PCDH7: variants seen among roughly 807,000 people sequenced by gnomAD.
PCDH7 encodes the protein protocadherin 7, also known as protocadherin-7.
PCDH7 carries 17 observed loss-of-function variants against 58.9 expected under a neutral mutation model. The observed-to-expected ratio is 0.29, with a 90% CI of 0.20 to 0.43. PCDH7 has a LOEUF of 0.43. Among genes scored for constraint, PCDH7 ranks in the 20% least tolerant of loss-of-function variants. PCDH7 has a pLI of 1.00. For missense variants in PCDH7, 1,274 were observed against 1,441.0 expected, an observed-to-expected ratio of 0.88 and a Z score of 1.88; for synonymous variants, 664 against 616.4, an observed-to-expected ratio of 1.08 and a Z score of -1.14.
chr4:31,035,659 G>T (rs1269423330), intron 3 of PCDH7, among the ~76,000 whole-genome samples: 2 of 152,182 alleles, frequency 1.3e-5, no homozygotes, highest in African/African-American at 2.4e-5. Flanking sequence ...AGGCGAGCAT[G>T]ACATTAGAAT....
chr4:31,139,668 C>G (rs1336225604), intron 3 of PCDH7, among the ~76,000 whole-genome samples: 22 of 152,300 alleles, frequency 1.4e-4, no homozygotes, highest in Non-Finnish European at 1.5e-5. Context: ...TCATGCCCTT[C>G]TTTAATAAGT....
At chr4:30,953,804 A>T (rs1377480781) in intron 3 of PCDH7, among the ~76,000 whole-genome samples, 1 of 152,152 alleles carries the variant, frequency 6.6e-6, no homozygotes, top group African/African-American at 2.4e-5. Context: ...TAAGAAGTCC[A>T]TTCATCATTC....
chr4:31,132,788 TAAAC>T (rs1303515451), intron 3 of PCDH7, among the ~76,000 whole-genome samples: 1 of 152,150 alleles, frequency 6.6e-6, no homozygotes, highest in Admixed American at 6.5e-5. Context: ...TTATGACAAA[TAAAC>T]AAAGATTCAG....
intron 2 of PCDH7, among the ~76,000 whole-genome samples, chr4:30,940,793 A>C (rs778393686): frequency 1.3e-5 from 2 of 152,066 alleles, no homozygotes; most frequent in Non-Finnish European, 2.9e-5. Flanking sequence ...GATTGAAATA[A>C]GAAGAAATCA....
intron 1 of PCDH7, among the ~76,000 whole-genome samples, chr4:30,899,119 T>C (rs1739854260): frequency 6.6e-6 from 1 of 152,098 alleles, no homozygotes; most frequent in Non-Finnish European, 1.5e-5. Context: ...GAATGCAAAA[T>C]TGATTTGTTA....
intron 1 of PCDH7, among the ~76,000 whole-genome samples, chr4:30,863,304 T>C (rs1388865221): frequency 6.6e-6 from 1 of 152,098 alleles, no homozygotes; most frequent in Non-Finnish European, 1.5e-5. Flanking sequence ...GGCTATAATA[T>C]AGTTGTTCTC....
chr4:31,062,415 T>C (rs1209422019), intron 3 of PCDH7, among the ~76,000 whole-genome samples: 2 of 151,778 alleles, frequency 1.3e-5, no homozygotes, highest in East Asian at 1.9e-4. Context: ...AATAATAGTT[T>C]TCTTGTTCAT....
intron 3 of PCDH7, among the ~76,000 whole-genome samples, chr4:31,124,275 A>G (rs543614400): frequency 3.3e-5 from 5 of 152,320 alleles, no homozygotes; most frequent in African/African-American, 1.2e-4. Context: ...CCATAATGCT[A>G]AGCACTCAAT....
intron 1 of PCDH7, chr4:30,868,946 A>C (rs539224326): frequency 6.6e-6 from 1 of 152,246 alleles, no homozygotes; most frequent in Non-Finnish European, 1.5e-5. Flanking sequence ...AGAATTAGTA[A>C]AATGAAAAGG....
chr4:30,769,551 A>G (rs1212858057), intron 1 of PCDH7, among the ~76,000 whole-genome samples: 1 of 152,154 alleles, frequency 6.6e-6, no homozygotes, highest in African/African-American at 2.4e-5. Context: ...TTAATACTTA[A>G]TTCTTAAATT....
intron 3 of PCDH7, among the ~76,000 whole-genome samples, chr4:30,965,303 G>A (rs1748904430): frequency 6.6e-6 from 1 of 152,126 alleles, no homozygotes. Context: ...AGCAAGGCAT[G>A]CAGATATATG....
intron 3 of PCDH7, among the ~76,000 whole-genome samples, chr4:31,065,798 A>G (rs985997969): frequency 6.6e-6 from 1 of 151,932 alleles, no homozygotes; most frequent in African/African-American, 2.4e-5. Context: ...CACTAGCTTC[A>G]TCATAATATT....
intron 2 of PCDH7, among the ~76,000 whole-genome samples, chr4:30,924,115 T>G (rs541827242): frequency 6.6e-6 from 1 of 152,304 alleles, no homozygotes; most frequent in South Asian, 2.1e-4. Context: ...TTTAGGTCTA[T>G]TGTATTTATC....
At chr4:30,758,419 C>G (rs1482425525) in intron 1 of PCDH7, among the ~76,000 whole-genome samples, 2 of 152,132 alleles carry the variant, frequency 1.3e-5, no homozygotes, top group Non-Finnish European at 2.9e-5. Flanking sequence ...GACTGGCAGA[C>G]AAATGGAATA....
At chr4:31,015,810 A>T (rs1753563034) in intron 3 of PCDH7, among the ~76,000 whole-genome samples, 2 of 152,196 alleles carry the variant, frequency 1.3e-5, no homozygotes, top group South Asian at 4.1e-4. Flanking sequence ...TATTCATAGG[A>T]GAATCTTTAG....
At chr4:31,030,457 G>C (rs1205970806) in intron 3 of PCDH7, among the ~76,000 whole-genome samples, 2 of 152,114 alleles carry the variant, frequency 1.3e-5, no homozygotes, top group South Asian at 4.1e-4. Flanking sequence ...GAAAGAAAAA[G>C]AAAAAGAAGT....
chr4:30,785,850 A>G (rs1243840785), intron 1 of PCDH7, among the ~76,000 whole-genome samples: 4 of 152,046 alleles, frequency 2.6e-5, no homozygotes, highest in African/African-American at 9.7e-5. Context: ...TGTTTACTCT[A>G]TGAAAGTGAT....
At chr4:31,032,830 A>G (rs1007420424) in intron 3 of PCDH7, among the ~76,000 whole-genome samples, 3 of 152,190 alleles carry the variant, frequency 2.0e-5, no homozygotes, top group African/African-American at 7.2e-5. Flanking sequence ...AAATTAGAAG[A>G]TAAGAATTTT....
chr4:30,918,349 A>C (rs1195203430), intron 1 of PCDH7, among the ~76,000 whole-genome samples: 1 of 152,066 alleles, frequency 6.6e-6, no homozygotes, highest in East Asian at 1.9e-4. Context: ...GGGGTGGGTG[A>C]GGGTTGGGAG....
Sources: allele counts gnomAD v4.1 joint callset (sites outside exome capture counted in the v4.1 genomes callset), GRCh38; gene constraint gnomAD v4.1.1; transcripts MANE v1.5; gene names NCBI Gene and HGNC (gene_info 2026-07-23, HGNC 2026-07-21).